CDK8: variants seen among roughly 807,000 people sequenced by gnomAD.
CDK8 encodes cyclin dependent kinase 8.
A neutral mutation model predicts 71.5 loss-of-function variants in CDK8; 29 were observed. That is an observed-to-expected ratio of 0.41 (90% CI 0.30 to 0.55). CDK8 has a LOEUF of 0.55. CDK8 is among the 20% of genes least tolerant of loss of function. The pLI, the probability that CDK8 is intolerant of heterozygous loss-of-function variation, is 0.37. For synonymous variants in CDK8, 161 were observed against 192.1 expected, an observed-to-expected ratio of 0.84 and a Z score of 1.34; for missense variants, 288 against 572.6, an observed-to-expected ratio of 0.50 and a Z score of 5.07.
chr13:26,342,422 T>G (rs1476766225), intron 2 of CDK8, among the ~76,000 whole-genome samples: 1 of 152,166 alleles, frequency 6.6e-6, no homozygotes, highest in African/African-American at 2.4e-5. Context: ...GCCAGACTCT[T>G]TGGGCTCTTA....
At chr13:26,281,359 C>T (rs547415629) in intron 1 of CDK8, among the ~76,000 whole-genome samples, 30 of 152,318 alleles carry the variant, frequency 2.0e-4, no homozygotes, top group Admixed American at 3.3e-4. Flanking sequence ...GGTAGCCCCA[C>T]GGGGTGGTTA....
At position 26,254,855 on chromosome 13, in the gene CDK8, C is replaced by CG; in HGVS notation, c.128+90dup. On this transcript the variant is annotated intron_variant, in intron 1 of 12. Coordinates refer to ENST00000381527, the MANE Select transcript of CDK8 (RefSeq NM_001260.3). This position sits in a 1 kb window ranked among gnomAD's most constrained non-coding sequence, Gnocchi z 6.7. ...GTAGCCCGGAGGGAGAGCGGGCCGCCGGGGTGCCGGGCTCTGACTTCCTCG... is the reference window on the plus strand; with the variant it reads ...GTAGCCCGGAGGGAGAGCGGGCCGCCGGGGGTGCCGGGCTCTGACTTCCTCG... 1 of 1,534,506 alleles carries CG rather than the reference C, an allele frequency of 6.5e-7. No homozygotes were observed. Among genetic ancestry groups the CG allele is most frequent in the Non-Finnish European group, 8.8e-7 (1 of 1,135,410 alleles).
chr13:26,299,698 T>C (rs1361388554), intron 1 of CDK8, among the ~76,000 whole-genome samples: 1 of 152,226 alleles, frequency 6.6e-6, no homozygotes, highest in Non-Finnish European at 1.5e-5. Flanking sequence ...TCATATTTTC[T>C]TGTTTCATCT....
chr13:26,367,899 C>T (rs375024411), intron 4 of CDK8, among the ~76,000 whole-genome samples: 2 of 152,124 alleles, frequency 1.3e-5, no homozygotes, highest in African/African-American at 4.8e-5. Flanking sequence ...GAAGAGTCAA[C>T]TGTAGTGCTT....
chr13:26,397,723 A>G (rs528662019), intron 9 of CDK8, among the ~76,000 whole-genome samples: 72 of 152,282 alleles, frequency 4.7e-4, no homozygotes, highest in Non-Finnish European at 7.8e-4. Context: ...GATAGATGCC[A>G]TATTTATCAG....
At chr13:26,275,706 C>A (rs1470087881) in intron 1 of CDK8, among the ~76,000 whole-genome samples, 3 of 152,140 alleles carry the variant, frequency 2.0e-5, no homozygotes, top group Non-Finnish European at 4.4e-5. Context: ...CACCATGTAT[C>A]TCAAATAGTC....
In CDK8 at chr13:26,404,085, G is replaced by T; in HGVS notation, c.*4G>T. The stretch of plus-strand genomic sequence containing the variant: ...ACATCAGACACATCGGTACTGAGCT[G>T]CATCGGAATCTTGTCCATGCACTGT... On this transcript the variant is annotated 3_prime_UTR_variant, in exon 13 of 13. Coordinates refer to ENST00000381527, the MANE Select transcript of CDK8 (RefSeq NM_001260.3). 1 of 1,613,606 alleles carries T rather than the reference G, an allele frequency of 6.2e-7. No individual in the cohort carries two copies. Among genetic ancestry groups the T allele is most frequent in the Non-Finnish European group, 8.5e-7 (1 of 1,179,776 alleles).
intron 1 of CDK8, among the ~76,000 whole-genome samples, chr13:26,322,136 G>A (rs1037111127): frequency 5.9e-5 from 9 of 152,110 alleles, no homozygotes; most frequent in South Asian, 2.1e-4. Flanking sequence ...CGGAAAGTTA[G>A]TGGCAATGAT....
intron 1 of CDK8, among the ~76,000 whole-genome samples, chr13:26,301,199 C>G (rs1873810122): frequency 6.8e-6 from 1 of 147,030 alleles, no homozygotes; most frequent in African/African-American, 2.5e-5. Flanking sequence ...ATAAATCTGC[C>G]ATTATCAGTA....
At chr13:26,269,404 C>T (rs1317231391) in intron 1 of CDK8, among the ~76,000 whole-genome samples, 2 of 152,152 alleles carry the variant, frequency 1.3e-5, no homozygotes, top group Admixed American at 6.5e-5. Context: ...TCGATATTGT[C>T]AGTGTTTTAG....
intron 1 of CDK8, among the ~76,000 whole-genome samples, chr13:26,319,437 C>T (rs1030682236): frequency 4.0e-5 from 6 of 151,232 alleles, no homozygotes; most frequent in Non-Finnish European, 8.8e-5. Context: ...CCATTGCACT[C>T]CACCCTGGGC....
intron 1 of CDK8, among the ~76,000 whole-genome samples, chr13:26,310,602 A>G (rs1279342065): frequency 6.6e-6 from 1 of 152,130 alleles, no homozygotes; most frequent in African/African-American, 2.4e-5. Flanking sequence ...TGAGAATCTA[A>G]TGTCGCTACT....
intron 1 of CDK8, among the ~76,000 whole-genome samples, chr13:26,319,464 C>G (rs758197243): frequency 6.7e-6 from 1 of 148,982 alleles, no homozygotes; most frequent in African/African-American, 2.5e-5. Context: ...AGTGAAACTC[C>G]ACTTAAAAAA....
intron 1 of CDK8, among the ~76,000 whole-genome samples, chr13:26,288,258 G>A (rs999104273): frequency 2.9e-4 from 44 of 151,982 alleles, no homozygotes; most frequent in African/African-American, 9.4e-4. Context: ...CACTGCGCCC[G>A]GCCTAGTGCA....
At position 26,338,880 on chromosome 13, in the gene CDK8, C is replaced by G. The variant is rs147110779; in HGVS notation, c.204+1238C>G. ...AATGTTCTCTGATCTTGCACTGGGT[C>G]TAGTAACACGGGTTATATATGTGAA... On this transcript the variant is annotated intron_variant, in intron 2 of 12. Coordinates refer to ENST00000381527, the MANE Select transcript of CDK8 (RefSeq NM_001260.3). Among the ~76,000 whole-genome samples the G allele has an allele frequency of 1.7e-4, 26 of 152,070 alleles. No homozygotes were observed. In the East Asian group the frequency reaches 4.8e-3, roughly 28 times the overall value.
intron 4 of CDK8, among the ~76,000 whole-genome samples, chr13:26,361,170 A>G (rs1377893120): frequency 1.2e-4 from 18 of 152,128 alleles, no homozygotes; most frequent in Non-Finnish European, 2.4e-4. Flanking sequence ...CCCTCACTTT[A>G]TTCAAAAACA....
chr13:26,279,233 C>T (rs1872658131), intron 1 of CDK8, among the ~76,000 whole-genome samples: 1 of 152,062 alleles, frequency 6.6e-6, no homozygotes, highest in Non-Finnish European at 1.5e-5. Context: ...TTGTAACTCT[C>T]AGTGTAAAAA....
intron 1 of CDK8, among the ~76,000 whole-genome samples, chr13:26,267,885 C>T (rs374733536): frequency 3.3e-5 from 5 of 152,172 alleles, no homozygotes; most frequent in Non-Finnish European, 7.3e-5. Context: ...TTCCATCAAG[C>T]AAGAGAAGCT....
intron 4 of CDK8, among the ~76,000 whole-genome samples, chr13:26,367,920 A>G (rs1433056726): frequency 6.6e-6 from 1 of 152,162 alleles, no homozygotes; most frequent in Non-Finnish European, 1.5e-5. Context: ...ATTTTCAAGG[A>G]GAGGAATCCA....
Sources: allele counts gnomAD v4.1 joint callset (sites outside exome capture counted in the v4.1 genomes callset), GRCh38; gene constraint gnomAD v4.1.1; non-coding constraint Gnocchi (gnomAD v3.1); transcripts MANE v1.5; gene names NCBI Gene and HGNC (gene_info 2026-07-23, HGNC 2026-07-21).